LINGO2: variants seen among roughly 807,000 people sequenced by gnomAD.
LINGO2 encodes the protein leucine-rich repeat and immunoglobulin-like domain-containing nogo receptor-interacting protein 2.
In LINGO2, 14 loss-of-function variants were observed where a neutral mutation model predicts 30.6. The ratio of observed to expected loss-of-function variants is 0.46; its 90% CI spans 0.30 to 0.72. The LOEUF (loss-of-function observed/expected upper bound fraction) is 0.72. Among genes scored for constraint, LINGO2 ranks in the 30% least tolerant of loss-of-function variants. LINGO2 has a pLI of 0.07. For synonymous variants in LINGO2, 317 were observed against 288.5 expected, an observed-to-expected ratio of 1.10 and a Z score of -1.00; for missense variants, 729 against 751.7, an observed-to-expected ratio of 0.97 and a Z score of 0.35.
intron 4 of LINGO2, among the ~76,000 whole-genome samples, chr9:28,123,707 A>C (rs1380833339): frequency 1.3e-5 from 2 of 151,808 alleles, no homozygotes; most frequent in East Asian, 3.9e-4. Context: ...TCTGTCGCCC[A>C]GGCTGGAGTG....
the LINGO2 span, among the ~76,000 whole-genome samples, chr9:28,875,298 T>C: frequency 2.0e-5 from 3 of 152,100 alleles, no homozygotes; most frequent in East Asian, 1.9e-4. Context: ...TTTCTGAATA[T>C]GTGCGTGCAT....
At chr9:29,185,599 G>A in the LINGO2 span, among the ~76,000 whole-genome samples, 4 of 152,248 alleles carry the variant, frequency 2.6e-5, no homozygotes, top group Non-Finnish European at 5.9e-5. Context: ...AAGGTCATTT[G>A]TATAATCTCT....
At chr9:28,578,154 T>TCC (rs1442889792) in intron 1 of LINGO2, among the ~76,000 whole-genome samples, 1 of 152,100 alleles carries the variant, frequency 6.6e-6, no homozygotes. Context: ...AAAGGGTAAT[T>TCC]TATACATGAT....
chr9:28,883,010 G>A, the LINGO2 span, among the ~76,000 whole-genome samples: 17 of 151,980 alleles, frequency 1.1e-4, no homozygotes, highest in African/African-American at 4.1e-4. Flanking sequence ...GTGTTAACTG[G>A]CCTTCCCCAA....
chr9:28,014,571 A>AT (rs1554658521), intron 4 of LINGO2, among the ~76,000 whole-genome samples: 5 of 152,070 alleles, frequency 3.3e-5, no homozygotes, highest in African/African-American at 7.2e-5. Context: ...GGATAAGACA[A>AT]TTAACAAAGG....
intron 3 of LINGO2, among the ~76,000 whole-genome samples, chr9:28,314,080 G>A (rs368101419): frequency 6.6e-6 from 1 of 152,182 alleles, no homozygotes; most frequent in East Asian, 1.9e-4. Flanking sequence ...GACTACAGGC[G>A]CCCACCACCT....
chr9:28,780,830 A>G, the LINGO2 span, among the ~76,000 whole-genome samples: 1,025 of 127,522 alleles, frequency 8.0e-3, 8 homozygotes, highest in East Asian at 0.034. Flanking sequence ...CTTGGTAGTA[A>G]TGTGTGTGTG....
chr9:28,851,802 C>T, the LINGO2 span, among the ~76,000 whole-genome samples: 4 of 151,898 alleles, frequency 2.6e-5, no homozygotes, highest in African/African-American at 4.8e-5. Context: ...CTTCTTCAGA[C>T]CCCTAGAAGA....
chr9:27,979,348 C>A (rs1350744523), intron 5 of LINGO2, among the ~76,000 whole-genome samples: 1 of 151,862 alleles, frequency 6.6e-6, no homozygotes, highest in Non-Finnish European at 1.5e-5. Context: ...ATAAGCTTAA[C>A]ATGTATGGGA....
In LINGO2 at chr9:28,573,819, T is replaced by C. The variant is rs140221078; in HGVS notation, c.-365+96381A>G. On this transcript the variant is annotated intron_variant, in intron 1 of 5. Transcript: ENST00000379992. ...ACAAATTAAATGTGAAAATAAAGAATAGACTGCAAATCTTTTAAACACTCA... is the reference window on the plus strand; with the variant it reads ...ACAAATTAAATGTGAAAATAAAGAACAGACTGCAAATCTTTTAAACACTCA... 8.7e-3 allele frequency among the ~76,000 whole-genome samples: 1,322 copies of C among 152,246 alleles called. 12 individuals carry two copies. Among genetic ancestry groups the C allele is most frequent in the Middle Eastern group, 0.051 (15 of 294 alleles).
chr9:28,780,021 A>T, the LINGO2 span, among the ~76,000 whole-genome samples: 2 of 152,312 alleles, frequency 1.3e-5, no homozygotes, highest in African/African-American at 4.8e-5. Flanking sequence ...AGTTAATGTC[A>T]AAACTTCTAA....
chr9:28,425,199 GCTTA>G lies in LINGO2; in HGVS notation c.-279+50737_-279+50740del, dbSNP rs529392922. Among the ~76,000 whole-genome samples, 734 of 149,112 alleles carry G rather than the reference GCTTA, an allele frequency of 4.9e-3. 10 individuals carry two copies. Among genetic ancestry groups the G allele is most frequent in the African/African-American group, 0.017 (698 of 40,936 alleles). ...CAATACAAGTAAAACTCTTAATAGA[GCTTA>G]CTATGTGAAAGAAATAATTGCACAT... On this transcript the variant is annotated intron_variant, in intron 2 of 5. Transcript: ENST00000379992.
chr9:28,811,901 C>T, the LINGO2 span, among the ~76,000 whole-genome samples: 5 of 152,050 alleles, frequency 3.3e-5, no homozygotes, highest in Admixed American at 1.3e-4. Flanking sequence ...GCAAGGAACT[C>T]GTTTTCCTTA....
At chr9:28,005,650 T>C (rs1165806636) in intron 5 of LINGO2, among the ~76,000 whole-genome samples, 1 of 152,106 alleles carries the variant, frequency 6.6e-6, no homozygotes, top group Non-Finnish European at 1.5e-5. Context: ...TTGAGTGTGT[T>C]GTGTTGGTGG....
intron 1 of LINGO2, among the ~76,000 whole-genome samples, chr9:28,487,713 T>C (rs1826226378): frequency 6.6e-6 from 1 of 152,182 alleles, no homozygotes; most frequent in African/African-American, 2.4e-5. Flanking sequence ...ACCTTAGGCC[T>C]GAGAATGCTG....
chr9:28,453,241 A>G (rs1824717200), intron 2 of LINGO2, among the ~76,000 whole-genome samples: 1 of 151,958 alleles, frequency 6.6e-6, no homozygotes, highest in South Asian at 2.1e-4. Context: ...CAAGAAATTC[A>G]ATTTATTATG....
At chr9:28,059,488 A>G (rs1825074271) in intron 4 of LINGO2, among the ~76,000 whole-genome samples, 1 of 152,076 alleles carries the variant, frequency 6.6e-6, no homozygotes, top group South Asian at 2.1e-4. Context: ...TCCAGTTAGA[A>G]CTGTGCCTTC....
intron 4 of LINGO2, among the ~76,000 whole-genome samples, chr9:28,032,623 C>T (rs1475176086): frequency 1.3e-5 from 2 of 152,182 alleles, no homozygotes; most frequent in African/African-American, 4.8e-5. Flanking sequence ...CAGATGAAAA[C>T]ACTGAGACCC....
At chr9:29,176,501 G>C in the LINGO2 span, among the ~76,000 whole-genome samples, 1 of 152,136 alleles carries the variant, frequency 6.6e-6, no homozygotes, top group South Asian at 2.1e-4. Flanking sequence ...CTAAGAATAG[G>C]ACTAAGAGCA....
Sources: gnomAD v4.1 joint callset for allele counts (sites outside exome capture counted in the v4.1 genomes callset) on GRCh38, gnomAD v4.1.1 for gene constraint, MANE v1.5 for transcripts, NCBI Gene and HGNC (gene_info 2026-07-23, HGNC 2026-07-21) for gene names.